NCKAP5: variants seen among roughly 807,000 people sequenced by gnomAD.
NCKAP5 encodes the protein NCK associated protein 5.
In NCKAP5, 92 loss-of-function variants were observed where a neutral mutation model predicts 167.0. The observed-to-expected ratio is 0.55, with a 90% confidence interval of 0.47 to 0.66. The LOEUF (loss-of-function observed/expected upper bound fraction) is 0.66. NCKAP5 is among the 30% of genes least tolerant of loss of function. NCKAP5 has a pLI of 0.00. For synonymous variants in NCKAP5, 891 were observed against 877.4 expected, an observed-to-expected ratio of 1.02 and a Z score of -0.27; for missense variants, 2,378 against 2,315.0, an observed-to-expected ratio of 1.03 and a Z score of -0.56.
intron 11 of NCKAP5, among the ~76,000 whole-genome samples, chr2:132,814,122 A>G (rs939804755): frequency 2.6e-5 from 4 of 152,256 alleles, no homozygotes; most frequent in African/African-American, 9.6e-5. Flanking sequence ...ATGAAAGCCC[A>G]CTGTCTCACT....
intron 3 of NCKAP5, among the ~76,000 whole-genome samples, chr2:133,392,955 C>T (rs980194023): frequency 6.6e-6 from 1 of 152,130 alleles, no homozygotes; most frequent in African/African-American, 2.4e-5. Flanking sequence ...AATTTGATTG[C>T]CTTTCAGAAA....
At chr2:133,640,702 C>T in the NCKAP5 span, among the ~76,000 whole-genome samples, 2 of 152,186 alleles carry the variant, frequency 1.3e-5, no homozygotes, top group African/African-American at 4.8e-5. Flanking sequence ...CTTCTGGTTT[C>T]ATTCATCAGA....
chr2:132,736,533 C>T (rs984481665), intron 16 of NCKAP5, among the ~76,000 whole-genome samples: 3 of 151,958 alleles, frequency 2.0e-5, no homozygotes, highest in Non-Finnish European at 4.4e-5. Flanking sequence ...GTAATCCCAG[C>T]ACTTGGGGAG....
intron 3 of NCKAP5, among the ~76,000 whole-genome samples, chr2:133,375,287 A>G (rs962964649): frequency 1.3e-5 from 2 of 152,206 alleles, no homozygotes; most frequent in African/African-American, 4.8e-5. Context: ...GTATTCTTCT[A>G]GGGTGTTAGT....
chr2:132,908,610 AT>A (rs1694191963), intron 8 of NCKAP5, among the ~76,000 whole-genome samples: 1 of 152,174 alleles, frequency 6.6e-6, no homozygotes, highest in African/African-American at 2.4e-5. Flanking sequence ...TAATAAATTG[AT>A]TTTTAAGCCA....
chr2:133,456,033 T>C (rs888747830), intron 3 of NCKAP5, among the ~76,000 whole-genome samples: 1 of 152,186 alleles, frequency 6.6e-6, no homozygotes, highest in Admixed American at 6.5e-5. Context: ...TGGTGTGCCA[T>C]ATCTTGTTAG....
At chr2:133,224,624 A>G (rs1488515057) in intron 4 of NCKAP5, among the ~76,000 whole-genome samples, 2 of 152,190 alleles carry the variant, frequency 1.3e-5, no homozygotes, top group Non-Finnish European at 2.9e-5. Context: ...TTAGAATAAT[A>G]TATGCTTTCA....
chr2:133,286,940 A>G (rs1459893717), intron 4 of NCKAP5, among the ~76,000 whole-genome samples: 2 of 152,206 alleles, frequency 1.3e-5, no homozygotes, highest in African/African-American at 4.8e-5. Context: ...GAGTCATTCA[A>G]TAGAAGAGGT....
chr2:132,735,768 T>C (rs1320025303), intron 16 of NCKAP5, among the ~76,000 whole-genome samples: 1 of 152,098 alleles, frequency 6.6e-6, no homozygotes, highest in Non-Finnish European at 1.5e-5. Flanking sequence ...ATTTTGGCAA[T>C]AGGTGCCATA....
At chr2:132,987,291 T>C (rs947967880) in intron 7 of NCKAP5, among the ~76,000 whole-genome samples, 1 of 152,132 alleles carries the variant, frequency 6.6e-6, no homozygotes, top group Non-Finnish European at 1.5e-5. Context: ...GCCACCTCTG[T>C]TAAGAATTAT....
the NCKAP5 span, among the ~76,000 whole-genome samples, chr2:133,673,338 C>T: frequency 6.6e-6 from 1 of 152,198 alleles, no homozygotes; most frequent in Non-Finnish European, 1.5e-5. Context: ...GGACAGGCAG[C>T]ACACCACATA....
At chr2:132,903,248 C>A (rs1273929801) in intron 8 of NCKAP5, among the ~76,000 whole-genome samples, 1 of 152,186 alleles carries the variant, frequency 6.6e-6, no homozygotes, top group African/African-American at 2.4e-5. Flanking sequence ...TCCTCAGTCC[C>A]ACCAGACACA....
At chr2:133,251,202 C>CAGGA (rs2088303478) in intron 4 of NCKAP5, among the ~76,000 whole-genome samples, 2 of 152,082 alleles carry the variant, frequency 1.3e-5, no homozygotes, top group Admixed American at 6.5e-5. Context: ...TTAAAGTGTA[C>CAGGA]AGGAGGATGT....
At chr2:133,254,867 G>A (rs1250084862) in intron 4 of NCKAP5, among the ~76,000 whole-genome samples, 1 of 151,916 alleles carries the variant, frequency 6.6e-6, no homozygotes, top group Admixed American at 6.6e-5. Flanking sequence ...TAAAAAAGAA[G>A]TGTTACTAAA....
At chr2:133,530,942 A>G (rs1685310320) in intron 2 of NCKAP5, among the ~76,000 whole-genome samples, 1 of 152,190 alleles carries the variant, frequency 6.6e-6, no homozygotes, top group South Asian at 2.1e-4. Context: ...AGATAAACAG[A>G]GGCTGATGAG....
intron 16 of NCKAP5, among the ~76,000 whole-genome samples, chr2:132,739,525 G>T (rs1187023533): frequency 6.6e-6 from 1 of 152,066 alleles, no homozygotes; most frequent in Non-Finnish European, 1.5e-5. Context: ...AATAAGCCTG[G>T]CAGAGTGCTC....
intron 3 of NCKAP5, among the ~76,000 whole-genome samples, chr2:133,422,442 C>T (rs1173586503): frequency 6.6e-6 from 1 of 152,160 alleles, no homozygotes; most frequent in African/African-American, 2.4e-5. Context: ...CTATAGATCC[C>T]TTGGTGCTAC....
In NCKAP5 at chr2:133,387,406, G is replaced by A. The variant is rs564843781; in HGVS notation, c.70-84296C>T. ...TCTTCTGGCTCATAGAGTTTCTGCC[G>A]AGAGATCAGCTGTTAGTCTGATGGG... is the stretch of plus-strand genomic sequence containing the variant. On this transcript the variant is annotated intron_variant, in intron 3 of 19. Transcript: ENST00000409261. Among the ~76,000 whole-genome samples, 479 of 152,308 alleles carry A rather than the reference G, an allele frequency of 3.1e-3. 1 individual carries two copies. Among genetic ancestry groups the A allele is most frequent in the Non-Finnish European group, 5.4e-3 (364 of 68,028 alleles).
chr2:133,235,322 T>G (rs2087350472), intron 4 of NCKAP5, among the ~76,000 whole-genome samples: 1 of 152,090 alleles, frequency 6.6e-6, no homozygotes, highest in South Asian at 2.1e-4. Flanking sequence ...GCTCCACAGC[T>G]CTTGGTGTCC....
Sources: allele counts gnomAD v4.1 joint callset (sites outside exome capture counted in the v4.1 genomes callset), GRCh38; gene constraint gnomAD v4.1.1; transcripts MANE v1.5; gene names NCBI Gene and HGNC (gene_info 2026-07-23, HGNC 2026-07-21).